ASXL3: variants seen among roughly 807,000 people sequenced by gnomAD.
ASXL3 encodes the protein ASXL transcriptional regulator 3.
A neutral mutation model predicts 170.6 loss-of-function variants in ASXL3; 34 were observed. The ratio of observed to expected loss-of-function variants is 0.20; its 90% CI spans 0.15 to 0.27. ASXL3 has a LOEUF of 0.27. ASXL3 is among the 10% of genes least tolerant of loss of function. The pLI, the probability that ASXL3 is intolerant of heterozygous loss-of-function variation, is 1.00. For missense variants in ASXL3, 2,592 were observed against 2,695.3 expected (o/e 0.96, Z 0.85); for synonymous variants, 1,002 against 989.1 (o/e 1.01, Z -0.24).
At chr18:33,601,817 G>A (rs1004140001) in intron 1 of ASXL3, among the ~76,000 whole-genome samples, 1 of 79,418 alleles carries the variant, frequency 1.3e-5, no homozygotes, top group Admixed American at 1.2e-4. Context: ...TTGAGACAGG[G>A]TGTTACACTG....
chr18:33,612,250 A>T (rs2145133283), intron 2 of ASXL3, among the ~76,000 whole-genome samples: 1 of 152,186 alleles, frequency 6.6e-6, no homozygotes, highest in East Asian at 1.9e-4. Flanking sequence ...TGAAAGCAAG[A>T]CAATATTTAT....
At chr18:33,693,428 G>A (rs2066718775) in intron 8 of ASXL3, among the ~76,000 whole-genome samples, 2 of 152,180 alleles carry the variant, frequency 1.3e-5, no homozygotes, top group South Asian at 4.1e-4. Flanking sequence ...GAAGAAAAAA[G>A]TATTGATTTC....
In ASXL3 at chr18:33,578,674, G is replaced by A; in HGVS notation, c.43G>A (p.Ala15Thr). Residue 15 changes from alanine to threonine, a missense_variant, in exon 1 of 12, where the codon GCT (alanine) becomes ACT (threonine). Physicochemically the swap from Ala to Thr is moderately conservative, Grantham distance 58. Transcript: ENST00000269197. ...RKKKDRTWAE[A>T]ARLALEKHPN... is the part of the protein sequence containing the mutation. The stretch of plus-strand genomic sequence containing the variant: ...GAAGAAGGACCGCACCTGGGCCGAG[G>A]CTGCCCGCCTGGTACGTACCGCCCC... The A allele has an allele frequency of 7.4e-7, 1 of 1,344,168 alleles. No individual in the cohort carries two copies. The highest frequency in any genetic ancestry group is 9.8e-7 in the Non-Finnish European group (1 of 1,023,182). The allele number at this position is 1,344,168 out of a possible 1,614,324, so 83.3% of individuals were successfully genotyped here.
At chr18:33,582,714 G>T (rs2065003810) in intron 1 of ASXL3, among the ~76,000 whole-genome samples, 1 of 148,306 alleles carries the variant, frequency 6.7e-6, no homozygotes, top group African/African-American at 2.6e-5. Context: ...TTCTGTGTGT[G>T]TGTGTGTGTG....
chr18:33,633,779 A>C (rs1169808456), intron 2 of ASXL3, among the ~76,000 whole-genome samples: 2 of 145,864 alleles, frequency 1.4e-5, no homozygotes, highest in Non-Finnish European at 3.0e-5. Flanking sequence ...CGGGAGGCAG[A>C]GGTTGCAGTG....
chr18:33,623,180 A>G (rs779409547), intron 2 of ASXL3, among the ~76,000 whole-genome samples: 13 of 152,150 alleles, frequency 8.5e-5, no homozygotes, highest in South Asian at 2.1e-4. Context: ...TTTAGCTTCA[A>G]TTAATCACTT....
chr18:33,602,543 A>G (rs1271832169), intron 1 of ASXL3, among the ~76,000 whole-genome samples: 1 of 152,162 alleles, frequency 6.6e-6, no homozygotes, highest in East Asian at 1.9e-4. Context: ...TTTCAAGAGT[A>G]GTAGAAATAG....
rs748510493 is a variant in ASXL3, at chr18:33,739,929, T to C, written c.2525T>C (p.Val842Ala). 3 of 1,613,980 alleles carry C rather than the reference T, an allele frequency of 1.9e-6. No individual in the cohort carries two copies. The South Asian group carries it at 3.3e-5, about 18-fold the overall frequency. ...TLSQQTCKSH[V>A]DTEKPYPASI... Reference sequence around the variant, plus strand: ...AGTCAGCAAACCTGTAAATCACATGTTGACACTGAGAAGCCCTACCCTGCT... The same window carrying C: ...AGTCAGCAAACCTGTAAATCACATGCTGACACTGAGAAGCCCTACCCTGCT... Residue 842 changes from valine to alanine, a missense_variant, in exon 11 of 12, where the codon GTT (valine) becomes GCT (alanine). By Grantham distance (64) the Val-to-Ala change is moderately conservative. Transcript: ENST00000269197.
chr18:33,739,271 A>G lies in ASXL3; in HGVS notation c.1867A>G (p.Thr623Ala). The change falls in exon 11 of 12, where the codon ACC becomes GCC. Residue 623 changes from threonine to alanine, a missense_variant. This residue lies in a region of ASXL3 where 2,246 missense variants were observed against 2,219.6 expected (regional missense o/e 1.01). Transcript: ENST00000269197. ...FSSESPEGAC[T>A]SLPSPGGETQ... ...TTCTGAGAGCCCAGAGGGAGCCTGT[A>G]CCAGCCTGCCTTCTCCAGGAGGGGA... 6.2e-7 allele frequency: 1 copy of G among 1,613,750 alleles called. No homozygotes were observed. Among genetic ancestry groups the G allele is most frequent in the Non-Finnish European group, 8.5e-7 (1 of 1,179,798 alleles).
intron 9 of ASXL3, among the ~76,000 whole-genome samples, 173 bp from the exon 10 acceptor site, chr18:33,734,137 A>AGCTTTAGCATTTTTC (rs1362809245): frequency 5.8e-5 from 3 of 52,040 alleles, no homozygotes; most frequent in Non-Finnish European, 3.5e-5. Flanking sequence ...TAGCATTTTT[A>AGCTTTAGCATTTTTC]TGAACATCTT....
intron 2 of ASXL3, among the ~76,000 whole-genome samples, chr18:33,632,002 A>G (rs16964819): frequency 0.029 from 4,389 of 152,228 alleles, 215 homozygotes; most frequent in African/African-American, 0.1. Context: ...GCTTAGAGTT[A>G]TGTTCAGGAG....
intron 6 of ASXL3, among the ~76,000 whole-genome samples, chr18:33,671,484 ACT>A (rs2066341015): frequency 6.6e-6 from 1 of 151,990 alleles, no homozygotes; most frequent in African/African-American, 2.4e-5. Context: ...AAAAGACCTG[ACT>A]CTATTTCTTT....
chr18:33,668,308 A>G (rs566237746), intron 5 of ASXL3, among the ~76,000 whole-genome samples: 15 of 152,036 alleles, frequency 9.9e-5, no homozygotes, highest in African/African-American at 3.1e-4. Context: ...CACACCTGTT[A>G]TCCTAGCTAC....
rs1485864826 is a variant in ASXL3, at chr18:33,616,887, A to G, written c.137+9211A>G. 3.9e-5 allele frequency among the ~76,000 whole-genome samples: 6 copies of G among 152,174 alleles called. No homozygotes were observed. In the East Asian group the frequency reaches 1.2e-3, roughly 29 times the overall value. On this transcript the variant is annotated intron_variant, in intron 2 of 11. Coordinates refer to ENST00000269197, the MANE Select transcript of ASXL3 (RefSeq NM_030632.3). ...ATCAGGGCCCCATCCTTAGGACCTC[A>G]TTTATCCTTAATCACTTCGCTAGAG...
intron 8 of ASXL3, among the ~76,000 whole-genome samples, chr18:33,715,385 T>A: frequency 6.6e-6 from 1 of 152,202 alleles, no homozygotes; most frequent in East Asian, 1.9e-4. Context: ...TATGTTAGCA[T>A]ATTAAAAAAT....
intron 8 of ASXL3, among the ~76,000 whole-genome samples, chr18:33,725,860 T>A (rs2067341446): frequency 6.6e-6 from 1 of 152,266 alleles, no homozygotes; most frequent in South Asian, 2.1e-4. Flanking sequence ...CAGTGATCAC[T>A]CAGTGCCATC....
chr18:33,732,985 G>A (rs533558263), intron 9 of ASXL3, among the ~76,000 whole-genome samples: 4 of 151,616 alleles, frequency 2.6e-5, no homozygotes, highest in South Asian at 2.1e-4. Context: ...AACCATCTAC[G>A]TTAGATTTTA....
intron 2 of ASXL3, among the ~76,000 whole-genome samples, chr18:33,632,983 A>G (rs1171855290): frequency 6.6e-6 from 1 of 152,118 alleles, no homozygotes; most frequent in Non-Finnish European, 1.5e-5. Context: ...TCTGATTCCT[A>G]TCCTATTCGC....
Position 33,734,285 on chromosome 18 carries a change from C to G in ASXL3, c.977-25C>G, listed in dbSNP as rs1002386919. The G allele has an allele frequency of 7.3e-6, 11 of 1,505,900 alleles. No homozygotes were observed. In the African/African-American group the frequency reaches 1.1e-4, roughly 15 times the overall value. 93.3% of individuals were successfully genotyped at this position (1,505,900 alleles called of 1,614,324 possible). A position where few individuals can be genotyped will look rare whatever the true frequency, so the allele number is the denominator to read the frequency against. ...AGCAAAAGATGTGACCACATTTATT[C>G]AATACATTAGCATTTTCTTTTTAGG... On this transcript the variant is annotated intron_variant, in intron 9 of 11. Transcript: ENST00000269197.
Sources: gnomAD v4.1 joint callset for allele counts (sites outside exome capture counted in the v4.1 genomes callset) on GRCh38, gnomAD v4.1.1 for gene constraint, gnomAD v4.1.1 regional missense constraint, MANE v1.5 for transcripts, NCBI Gene and HGNC (gene_info 2026-07-23, HGNC 2026-07-21) for gene names.